The following MYBPC1 variants were observed in gnomAD, a reference collection of about 807,000 sequenced individuals.
MYBPC1 encodes myosin-binding protein C, slow-type.
In MYBPC1, 52 loss-of-function variants were observed where a neutral mutation model predicts 147.1. That is an observed-to-expected ratio of 0.35 (90% CI 0.28 to 0.45). MYBPC1 has a LOEUF of 0.45. Among genes scored for constraint, MYBPC1 ranks in the 20% least tolerant of loss-of-function variants. The pLI is 1.00. For synonymous variants in MYBPC1, 477 were observed against 475.9 expected (o/e 1.00, Z -0.03); for missense variants, 1,228 against 1,440.3 (o/e 0.85, Z 2.39).
chr12:101,667,767 G>T lies in MYBPC1; in HGVS notation c.2392G>T (p.Asp798Tyr), dbSNP rs773500406. 1 of 1,614,076 alleles carries T rather than the reference G, an allele frequency of 6.2e-7. No homozygotes were observed. The highest frequency in any genetic ancestry group is 8.5e-7 in the Non-Finnish European group (1 of 1,180,006). ...GATAGTTGCAAACAAAGATCTGATT[G>T]ACAAGACGAAGTTCACCATCACAGG... is the stretch of plus-strand genomic sequence containing the variant. The part of the protein sequence containing the change: ...DWIVANKDLI[D>Y]KTKFTITGLP... The change falls in exon 23 of 32, where the codon GAC (aspartate) becomes TAC (tyrosine). Residue 798 changes from aspartate to tyrosine, a missense_variant. Transcript: ENST00000361466.
At chr12:101,681,425 C>A (rs1028284857) in intron 29 of MYBPC1, among the ~76,000 whole-genome samples, 1 of 150,302 alleles carries the variant, frequency 6.7e-6, no homozygotes, top group Non-Finnish European at 1.5e-5. Flanking sequence ...AAATTATAAT[C>A]AAAAACTAGT....
At chr12:101,682,042 C>T (rs1036876617) in intron 29 of MYBPC1, among the ~76,000 whole-genome samples, 3 of 151,928 alleles carry the variant, frequency 2.0e-5, no homozygotes, top group Non-Finnish European at 2.9e-5. Flanking sequence ...TCAAGCCTTA[C>T]TATTGAGATA....
At chr12:101,623,229 C>T (rs1268885084) in intron 3 of MYBPC1, among the ~76,000 whole-genome samples, 3 of 152,098 alleles carry the variant, frequency 2.0e-5, no homozygotes, top group Admixed American at 6.5e-5. Flanking sequence ...GTCTCAGCTA[C>T]TCAGGAGGTT....
chr12:101,684,305 C>G, intron 30 of MYBPC1, 77 bp from the exon 31 acceptor site: 1 of 1,100,438 alleles, frequency 9.1e-7, no homozygotes, highest in Non-Finnish European at 1.4e-6. Flanking sequence ...TTTCATCCAA[C>G]AAGTACTCAA....
In MYBPC1 at chr12:101,652,763, C is replaced by A; in HGVS notation, c.1612C>A (p.Pro538Thr). The change falls in exon 17 of 32, where the codon CCT (proline) becomes ACT (threonine). Residue 538 changes from proline (P) to threonine (T), a missense_variant. Physicochemically the swap from Pro to Thr is conservative, Grantham distance 38. Coordinates refer to ENST00000361466, the MANE Select transcript of MYBPC1 (RefSeq NM_002465.4). ...ACCTGATGCCTACAATGTTACTCTG[C>A]CTGCCAAAGTTCATGTTATTGGTGA... ...FAPDAYNVTL[P>T]AKVHVIDPPK... 1 of 1,613,014 alleles carries A rather than the reference C, an allele frequency of 6.2e-7. No homozygotes were observed. Among genetic ancestry groups the A allele is most frequent in the Non-Finnish European group, 8.5e-7 (1 of 1,179,026 alleles).
At chr12:101,641,379 A>G (rs1282338696) in intron 10 of MYBPC1, among the ~76,000 whole-genome samples, 2 of 152,220 alleles carry the variant, frequency 1.3e-5, no homozygotes, top group Non-Finnish European at 2.9e-5. Flanking sequence ...GAAGGAAACC[A>G]ATTTGTTTAT....
chr12:101,676,237 A>G (rs1349944894), intron 26 of MYBPC1, among the ~76,000 whole-genome samples: 1 of 152,200 alleles, frequency 6.6e-6, no homozygotes, highest in Non-Finnish European at 1.5e-5. Context: ...ACTTATTATA[A>G]ACTTATTTTA....
chr12:101,596,785 T>A (rs570862131), intron 1 of MYBPC1, among the ~76,000 whole-genome samples: 1 of 152,190 alleles, frequency 6.6e-6, no homozygotes, highest in African/African-American at 2.4e-5. Flanking sequence ...CAATATATAT[T>A]TTTTTCTTTC....
chr12:101,666,836 A>G (rs1594004674), intron 22 of MYBPC1: 1 of 1,574,054 alleles, frequency 6.4e-7, no homozygotes, highest in South Asian at 1.1e-5. Context: ...TTCTTACTAT[A>G]TTATAATGTT....
At chr12:101,672,868 AT>A (rs1393233096) in intron 24 of MYBPC1, among the ~76,000 whole-genome samples, 1 of 152,174 alleles carries the variant, frequency 6.6e-6, no homozygotes, top group East Asian at 1.9e-4. Flanking sequence ...TTTAGATGAT[AT>A]TAACTACAAA....
Position 101,673,560 on chromosome 12 carries a change from A to G in MYBPC1, c.2747A>G (p.Tyr916Cys). ...RKAERSHSGK[Y>C]DLQVKVDKFV... ...GCAGAGAGGAGCCACTCTGGGAAAT[A>G]TGATCTGCAAGTCAAAGTGGACAAA... Residue 916 changes from tyrosine (Y) to cysteine (C), a missense_variant, in exon 25 of 32, where the codon TAT becomes TGT. This residue lies in a region of MYBPC1 where 1,077 missense variants were observed against 1,314.2 expected (regional missense o/e 0.82). Coordinates refer to ENST00000361466, the MANE Select transcript of MYBPC1 (RefSeq NM_002465.4). 6.2e-7 allele frequency: 1 copy of G among 1,614,160 alleles called. No individual in the cohort carries two copies. The highest frequency in any genetic ancestry group is 8.5e-7 in the Non-Finnish European group (1 of 1,180,020).
intron 23 of MYBPC1, 109 bp from the exon 24 acceptor site, chr12:101,670,210 CAG>C (rs1469726022): frequency 2.3e-6 from 2 of 855,072 alleles, no homozygotes; most frequent in African/African-American, 3.3e-5. Flanking sequence ...GAGTTTATTG[CAG>C]AGATATGCCA....
intron 3 of MYBPC1, among the ~76,000 whole-genome samples, chr12:101,618,749 C>T (rs560628952): frequency 1.3e-5 from 2 of 152,110 alleles, no homozygotes; most frequent in Admixed American, 1.3e-4. Flanking sequence ...AAGAGCAAGG[C>T]TAGATGACTA....
chr12:101,627,834 A>C (rs781220856), intron 5 of MYBPC1, 30 bp downstream of exon 5: 1 of 1,601,820 alleles, frequency 6.2e-7, no homozygotes, highest in Non-Finnish European at 8.6e-7. Context: ...AGGCATCCTG[A>C]CCTCATCCTA....
Position 101,649,250 on chromosome 12 carries a change from C to A in MYBPC1, c.1197-10C>A. On this transcript the variant is annotated splice_polypyrimidine_tract_variant and intron_variant, in intron 14 of 31. Coordinates refer to ENST00000361466, the MANE Select transcript of MYBPC1 (RefSeq NM_002465.4). ...TTTACAAACCTTTTTAATATTTTAT[C>A]TTAATTCAGGTTTAAGAATGGTGAA... is the stretch of plus-strand genomic sequence containing the variant. 1 of 1,610,098 alleles carries A rather than the reference C, an allele frequency of 6.2e-7. No individual in the cohort carries two copies. Among genetic ancestry groups the A allele is most frequent in the Non-Finnish European group, 8.5e-7 (1 of 1,176,616 alleles).
At chr12:101,597,023 T>A (rs1236649186) in intron 1 of MYBPC1, among the ~76,000 whole-genome samples, 1 of 152,240 alleles carries the variant, frequency 6.6e-6, no homozygotes, top group Non-Finnish European at 1.5e-5. Context: ...CCAGCAGAAC[T>A]GATTCTTAAA....
intron 1 of MYBPC1, among the ~76,000 whole-genome samples, chr12:101,605,219 TG>T (rs1012703161): frequency 6.6e-6 from 1 of 152,240 alleles, no homozygotes. Flanking sequence ...ATTGCCCTTT[TG>T]TCTCTATTAT....
chr12:101,629,978 TTCTA>T (rs1485420167), intron 6 of MYBPC1, among the ~76,000 whole-genome samples: 3 of 152,184 alleles, frequency 2.0e-5, no homozygotes, highest in African/African-American at 7.2e-5. Flanking sequence ...CAGCCACTAC[TTCTA>T]TCTATTTCTA....
intron 12 of MYBPC1, among the ~76,000 whole-genome samples, chr12:101,645,757 A>G (rs1892964392): frequency 6.6e-6 from 1 of 152,192 alleles, no homozygotes; most frequent in South Asian, 2.1e-4. Flanking sequence ...GTCTATTTTA[A>G]TCCCATCATG....
Sources: gnomAD v4.1 joint callset for allele counts (sites outside exome capture counted in the v4.1 genomes callset) on GRCh38, gnomAD v4.1.1 for gene constraint, gnomAD v4.1.1 regional missense constraint, MANE v1.5 for transcripts, NCBI Gene and HGNC (gene_info 2026-07-23, HGNC 2026-07-21) for gene names.